Variants in FLT1 observed in about 807,000 individuals in gnomAD.
FLT1 encodes the protein fms related receptor tyrosine kinase 1.
Under a neutral mutation model 156.3 loss-of-function variants are expected in FLT1, and 49 were observed. The ratio of observed to expected loss-of-function variants is 0.31; its 90% confidence interval spans 0.25 to 0.40. The LOEUF (loss-of-function observed/expected upper bound fraction) is 0.40. Ranked by LOEUF, FLT1 falls within the 10% of genes least tolerant of loss-of-function variation. FLT1 has a pLI of 1.00. For synonymous variants in FLT1, 594 were observed against 583.8 expected, an observed-to-expected ratio of 1.02 and a Z score of -0.25; for missense variants, 1,322 against 1,637.2, an observed-to-expected ratio of 0.81 and a Z score of 3.32.
At chr13:28,485,129 T>C (rs1418532168) in intron 1 of FLT1, among the ~76,000 whole-genome samples, 2 of 152,162 alleles carry the variant, frequency 1.3e-5, no homozygotes, top group Non-Finnish European at 1.5e-5. Context: ...AAATATATAA[T>C]TGAAATAAAA....
chr13:28,350,602 G>A lies in FLT1; in HGVS notation c.2249-5051C>T, dbSNP rs148915991. Among the ~76,000 whole-genome samples the A allele has an allele frequency of 7.9e-5, 12 of 152,218 alleles. No homozygotes were observed. The East Asian group carries it at 2.3e-3, about 29-fold the overall frequency. On this transcript the variant is annotated intron_variant, in intron 15 of 29. Coordinates refer to ENST00000282397, the MANE Select transcript of FLT1 (RefSeq NM_002019.4). ...TGGCATCAGACTGCATGAATGGGTA[G>A]GCAGCAGAGCCAGCCAACTCAGCTC...
intron 29 of FLT1, among the ~76,000 whole-genome samples, chr13:28,303,732 C>G (rs1870618529): frequency 6.6e-6 from 1 of 152,152 alleles, no homozygotes; most frequent in Non-Finnish European, 1.5e-5. Context: ...TCCTACCCTC[C>G]AAAATATTCA....
At chr13:28,474,480 C>CA (rs1880427074) in intron 1 of FLT1, among the ~76,000 whole-genome samples, 5 of 102,062 alleles carry the variant, frequency 4.9e-5, no homozygotes, top group Admixed American at 2.3e-4. Context: ...AACAAAACAA[C>CA]CACAGACACA....
chr13:28,399,614 A>G (rs1875304076), intron 11 of FLT1, among the ~76,000 whole-genome samples: 1 of 152,234 alleles, frequency 6.6e-6, no homozygotes, highest in Non-Finnish European at 1.5e-5. Flanking sequence ...ATAGTCAAAT[A>G]GGTCCAAATT....
Position 28,300,521 on chromosome 13 carries a change from C to CACACACA in FLT1, c.*2645_*2646insTGTGTGT, listed in dbSNP as rs1870463167. ...AGTTATGCACAAAACACACATACAC[C>CACACACA]CACACACACACACACACACACACAC... On this transcript the variant is annotated 3_prime_UTR_variant, in exon 30 of 30. Transcript: ENST00000282397. The CACACACA allele has an allele frequency of 1.0e-5, 2 of 196,224 alleles. No homozygotes were observed. Among genetic ancestry groups the CACACACA allele is most frequent in the African/African-American group, 4.7e-5 (2 of 42,136 alleles). The allele number at this position is 196,224 out of a possible 1,614,324, so 12.2% of individuals were successfully genotyped here.
chr13:28,375,752 T>C (rs2137435460), intron 14 of FLT1, among the ~76,000 whole-genome samples: 1 of 152,284 alleles, frequency 6.6e-6, no homozygotes, highest in Non-Finnish European at 1.5e-5. Context: ...GCAGATCAGC[T>C]CTGGTCTCAG....
chr13:28,350,726 C>G (rs558128228), intron 15 of FLT1, among the ~76,000 whole-genome samples: 1 of 152,190 alleles, frequency 6.6e-6, no homozygotes, highest in South Asian at 2.1e-4. Flanking sequence ...ACTTAGGGAC[C>G]GAACACAGGT....
At chr13:28,486,072 C>T (rs1395108667) in intron 1 of FLT1, among the ~76,000 whole-genome samples, 1 of 152,210 alleles carries the variant, frequency 6.6e-6, no homozygotes, top group Non-Finnish European at 1.5e-5. Flanking sequence ...TGTGCCTCAG[C>T]CTTGTAGAAA....
intron 17 of FLT1, among the ~76,000 whole-genome samples, chr13:28,336,742 CTTTTTTTTTTTT>C (rs548520953): frequency 3.8e-5 from 5 of 130,212 alleles, no homozygotes; most frequent in Non-Finnish European, 8.1e-5. Context: ...ATTATTCTAA[CTTTTTTTTTTTT>C]TTTTTTTTTT....
At chr13:28,443,868 A>C (rs1878465860) in intron 3 of FLT1, among the ~76,000 whole-genome samples, 1 of 152,222 alleles carries the variant, frequency 6.6e-6, no homozygotes, top group African/African-American at 2.4e-5. Context: ...CTCAAAACAG[A>C]GCTTTGGAGC....
chr13:28,397,078 A>T lies in FLT1; in HGVS notation c.1552-10T>A. 6.4e-7 allele frequency: 1 copy of T among 1,561,586 alleles called. No homozygotes were observed. The highest frequency in any genetic ancestry group is 8.8e-7 in the Non-Finnish European group (1 of 1,132,290). ...CCAAGGTGCTAGCCATCTGCAAAAG[A>T]AAAGGAAACTTTAGCTAGCAACAGG... On this transcript the variant is annotated splice_polypyrimidine_tract_variant and intron_variant, in intron 11 of 29. Coordinates refer to ENST00000282397, the MANE Select transcript of FLT1 (RefSeq NM_002019.4).
chr13:28,358,876 G>A (rs905677721), intron 14 of FLT1, among the ~76,000 whole-genome samples: 1 of 152,142 alleles, frequency 6.6e-6, no homozygotes, highest in Admixed American at 6.6e-5. Flanking sequence ...GGTGTACTTG[G>A]GGAAGGCTGC....
chr13:28,401,615 T>G (rs569926601), intron 11 of FLT1, among the ~76,000 whole-genome samples: 1 of 152,346 alleles, frequency 6.6e-6, no homozygotes, highest in East Asian at 1.9e-4. Flanking sequence ...TAATATAGCT[T>G]CCTTTCAAGT....
rs959250578 is a variant in FLT1 at position 28,386,593 on chromosome 13, G to A, written c.1970-1562C>T. The A allele has an allele frequency of 2.3e-5, 24 of 1,055,788 alleles. No homozygotes were observed. In the African/African-American group the frequency reaches 4.0e-4, roughly 17 times the overall value. The allele number at this position is 1,055,788 out of a possible 1,614,324, so 65.4% of individuals were successfully genotyped here. On this transcript the variant is annotated intron_variant, in intron 13 of 29. Coordinates refer to ENST00000282397, the MANE Select transcript of FLT1 (RefSeq NM_002019.4). Reference sequence around the variant, plus strand: ...CCTATCTTATCTTGCCCACTAAGCAGAACGTTACGATATTTCTGTTTTTGC... The same window carrying A: ...CCTATCTTATCTTGCCCACTAAGCAAAACGTTACGATATTTCTGTTTTTGC...
At chr13:28,432,750 A>T (rs115811185) in intron 6 of FLT1, among the ~76,000 whole-genome samples, 2,159 of 152,300 alleles carry the variant, frequency 0.014, 40 homozygotes, top group African/African-American at 0.049. Context: ...CATTTAATAG[A>T]TGTGTTGTAG....
In FLT1 at chr13:28,460,814, A is replaced by G. The variant is rs1356509700; in HGVS notation, c.388+6089T>C. Among the ~76,000 whole-genome samples, 2 of 151,954 alleles carry G rather than the reference A, an allele frequency of 1.3e-5. 1 individual carries two copies. Among genetic ancestry groups the G allele is most frequent in the Non-Finnish European group, 2.9e-5 (2 of 67,972 alleles). ...AGACCCATTACACACACACACACAC[A>G]CACACACACACACACGCACGTATGT... On this transcript the variant is annotated intron_variant, in intron 3 of 29. Transcript: ENST00000282397.
chr13:28,485,755 A>G (rs1038560705), intron 1 of FLT1, among the ~76,000 whole-genome samples: 5 of 152,160 alleles, frequency 3.3e-5, no homozygotes, highest in Admixed American at 6.5e-5. Flanking sequence ...CCTAAGCCTC[A>G]ATATGCCTTG....
chr13:28,329,400 G>A (rs1871826527), intron 19 of FLT1, among the ~76,000 whole-genome samples: 1 of 152,220 alleles, frequency 6.6e-6, no homozygotes, highest in South Asian at 2.1e-4. Context: ...CAAAAAGGGA[G>A]TCCTCTTCAG....
chr13:28,411,605 AT>A (rs1264050829), intron 10 of FLT1, among the ~76,000 whole-genome samples: 1 of 151,292 alleles, frequency 6.6e-6, no homozygotes, highest in African/African-American at 2.4e-5. Flanking sequence ...ATTTATCACA[AT>A]TTTTTTCTCT....
Sources: gnomAD v4.1 joint callset for allele counts (sites outside exome capture counted in the v4.1 genomes callset) on GRCh38, gnomAD v4.1.1 for gene constraint, MANE v1.5 for transcripts, NCBI Gene and HGNC (gene_info 2026-07-23, HGNC 2026-07-21) for gene names.